Variants in BAZ1A observed in about 807,000 individuals in gnomAD.
BAZ1A encodes the protein bromodomain adjacent to zinc finger domain protein 1A.
BAZ1A carries 50 observed loss-of-function variants against 185.2 expected under a neutral mutation model. The ratio of observed to expected loss-of-function variants is 0.27; its 90% CI spans 0.22 to 0.34. The LOEUF (loss-of-function observed/expected upper bound fraction) is 0.34. BAZ1A is among the 10% of genes least tolerant of loss of function. The probability of loss-of-function intolerance (pLI) is 1.00; values close to 1 mark genes in which losing one functional copy is unlikely to be tolerated. For synonymous variants in BAZ1A, 571 were observed against 615.6 expected (o/e 0.93, Z 1.07); for missense variants, 1,356 against 1,839.9 (o/e 0.74, Z 4.81).
At chr14:34,837,806 C>G (rs2042352963) in intron 3 of BAZ1A, among the ~76,000 whole-genome samples, 1 of 152,074 alleles carries the variant, frequency 6.6e-6, no homozygotes, top group Admixed American at 6.6e-5. Flanking sequence ...TGCCGTCCAG[C>G]CTATTGACAC....
intron 3 of BAZ1A, among the ~76,000 whole-genome samples, chr14:34,838,644 C>A (rs2042365410): frequency 6.6e-6 from 1 of 152,000 alleles, no homozygotes; most frequent in East Asian, 1.9e-4. Flanking sequence ...CCTGCCTCAG[C>A]CTCCCAAGTT....
chr14:34,761,135 C>T (rs10147134), intron 24 of BAZ1A, among the ~76,000 whole-genome samples: 2 of 151,682 alleles, frequency 1.3e-5, no homozygotes, highest in African/African-American at 4.8e-5. Context: ...AAAATTAGCC[C>T]GGTGTGATGG....
chr14:34,801,274 ACTTT>A (rs374195741), intron 7 of BAZ1A, 81 bp from the exon 8 acceptor site: 2 of 919,084 alleles, frequency 2.2e-6, no homozygotes, highest in East Asian at 5.4e-5. Flanking sequence ...CACCAATTAC[ACTTT>A]CTTTATACTA....
At chr14:34,824,043 G>T (rs996280513) in intron 4 of BAZ1A, among the ~76,000 whole-genome samples, 6 of 151,786 alleles carry the variant, frequency 4.0e-5, no homozygotes, top group Admixed American at 2.0e-4. Context: ...GGAAGACATG[G>T]ACAAGTAATA....
intron 2 of BAZ1A, among the ~76,000 whole-genome samples, chr14:34,867,737 A>C (rs1039471336): frequency 3.9e-5 from 6 of 152,204 alleles, no homozygotes; most frequent in Non-Finnish European, 8.8e-5. Flanking sequence ...TTTAAGGGAG[A>C]AAAGTCCAAG....
At chr14:34,869,138 C>T (rs113143864) in intron 2 of BAZ1A, among the ~76,000 whole-genome samples, 8,412 of 151,492 alleles carry the variant, frequency 0.056, 325 homozygotes, top group South Asian at 0.14. Flanking sequence ...ACCCGGGAGG[C>T]GGAGTTTGCA....
chr14:34,760,631 A>G (rs887003348), intron 24 of BAZ1A, among the ~76,000 whole-genome samples: 1 of 151,792 alleles, frequency 6.6e-6, no homozygotes, highest in Middle Eastern at 3.4e-3. Context: ...AGGCAGGCAG[A>G]TAACTGAGCT....
chr14:34,819,471 T>C (rs1001790015), intron 4 of BAZ1A, among the ~76,000 whole-genome samples: 5 of 152,340 alleles, frequency 3.3e-5, no homozygotes, highest in Admixed American at 2.6e-4. Flanking sequence ...CTTTTCAGAT[T>C]GTATAATGTA....
At chr14:34,848,185 T>C (rs955633607) in intron 3 of BAZ1A, among the ~76,000 whole-genome samples, 1 of 152,140 alleles carries the variant, frequency 6.6e-6, no homozygotes, top group Non-Finnish European at 1.5e-5. Flanking sequence ...TTCATCTAAA[T>C]TGCTTAAAGC....
At chr14:34,858,655 G>A (rs2042721661) in intron 3 of BAZ1A, among the ~76,000 whole-genome samples, 1 of 151,880 alleles carries the variant, frequency 6.6e-6, no homozygotes, top group African/African-American at 2.4e-5. Flanking sequence ...TTTAAAAGTT[G>A]GGGCGAGGGT....
intron 3 of BAZ1A, among the ~76,000 whole-genome samples, chr14:34,831,530 T>C (rs1252894832): frequency 6.6e-6 from 1 of 152,226 alleles, no homozygotes; most frequent in African/African-American, 2.4e-5. Context: ...ATTCCTGTTC[T>C]TCCTCAGATT....
intron 9 of BAZ1A, 52 bp downstream of exon 9, chr14:34,800,172 A>C: frequency 8.0e-7 from 1 of 1,245,220 alleles, no homozygotes; most frequent in Non-Finnish European, 1.1e-6. Context: ...GTAGATATGT[A>C]AAGTAGTATT....
At chr14:34,860,804 A>G (rs1186539200) in intron 3 of BAZ1A, among the ~76,000 whole-genome samples, 6 of 151,868 alleles carry the variant, frequency 4.0e-5, no homozygotes, top group Admixed American at 3.9e-4. Flanking sequence ...AGGCTGAGGC[A>G]TAAGAATCAC....
rs1363188576 is a variant in BAZ1A at position 34,875,122 on chromosome 14, C to G, written c.-59+16G>C. On this transcript the variant is annotated intron_variant, in intron 1 of 26. Coordinates refer to ENST00000360310, the MANE Select transcript of BAZ1A (RefSeq NM_013448.3). Reference sequence around the variant, plus strand: ...ACTTCCCCGCCGGCGCCGGCCGGCTCCCGAGCGACCCTCACCTGCGATCAC... The same window carrying G: ...ACTTCCCCGCCGGCGCCGGCCGGCTGCCGAGCGACCCTCACCTGCGATCAC... 1 of 369,368 alleles carries G rather than the reference C, an allele frequency of 2.7e-6. No individual in the cohort carries two copies. 22.9% of individuals were successfully genotyped at this position (369,368 alleles called of 1,614,324 possible).
At chr14:34,774,187 T>A in intron 19 of BAZ1A, 140 bp downstream of exon 19, 1 of 622,844 alleles carries the variant, frequency 1.6e-6, no homozygotes, top group East Asian at 3.2e-5. Flanking sequence ...GGAATAAACT[T>A]AAGTTTTCAT....
chr14:34,872,947 C>T (rs891007210), intron 2 of BAZ1A, among the ~76,000 whole-genome samples: 1 of 109,064 alleles, frequency 9.2e-6, no homozygotes, highest in South Asian at 3.4e-4. Context: ...AAAAACTTGT[C>T]CAATTACCTA....
At chr14:34,839,794 C>T (rs1479306853) in intron 3 of BAZ1A, among the ~76,000 whole-genome samples, 2 of 138,438 alleles carry the variant, frequency 1.4e-5, no homozygotes, top group Non-Finnish European at 3.0e-5. Flanking sequence ...GAGCCCAGAT[C>T]GTGCCACTGC....
At chr14:34,860,245 A>G (rs968372001) in intron 3 of BAZ1A, among the ~76,000 whole-genome samples, 2 of 151,876 alleles carry the variant, frequency 1.3e-5, no homozygotes, top group African/African-American at 4.8e-5. Flanking sequence ...TTGGTAGCTC[A>G]GCCTGTAATC....
chr14:34,874,469 C>G lies in BAZ1A; in HGVS notation c.113+23G>C. The G allele has an allele frequency of 6.2e-7, 1 of 1,602,876 alleles. No homozygotes were observed. The highest frequency in any genetic ancestry group is 8.5e-7 in the Non-Finnish European group (1 of 1,171,030). ...GGGGAGTCCCCACACCCCCCGCGGCCCCGCACACGGCCCGGCTCTTACTCG... is the reference window on the plus strand; with the variant it reads ...GGGGAGTCCCCACACCCCCCGCGGCGCCGCACACGGCCCGGCTCTTACTCG... On this transcript the variant is annotated intron_variant, in intron 2 of 26. Transcript: ENST00000360310. The surrounding 1 kb of genome is among the most constrained non-coding windows in gnomAD (Gnocchi z 4.7).
Sources: gnomAD v4.1 joint callset for allele counts (sites outside exome capture counted in the v4.1 genomes callset) on GRCh38, gnomAD v4.1.1 for gene constraint, Gnocchi (gnomAD v3.1) non-coding constraint, MANE v1.5 for transcripts, NCBI Gene and HGNC (gene_info 2026-07-23, HGNC 2026-07-21) for gene names.